The following SUCO variants were observed in gnomAD, a reference collection of about 807,000 sequenced individuals.
SUCO encodes the protein SUN domain-containing ossification factor.
In SUCO, 57 loss-of-function variants were observed where a neutral mutation model predicts 148.1. That is an observed-to-expected ratio of 0.38 (90% CI 0.31 to 0.48). The LOEUF (loss-of-function observed/expected upper bound fraction) is 0.48, where lower values mean the gene tolerates loss of function less well. Among genes scored for constraint, SUCO ranks in the 20% least tolerant of loss-of-function variants. SUCO has a pLI of 0.96. For synonymous variants in SUCO, 470 were observed against 502.7 expected, an observed-to-expected ratio of 0.93 and a Z score of 0.87; for missense variants, 1,331 against 1,468.2, an observed-to-expected ratio of 0.91 and a Z score of 1.53.
intron 6 of SUCO, among the ~76,000 whole-genome samples, chr1:172,561,769 C>T (rs1161861516): frequency 6.6e-6 from 1 of 152,202 alleles, no homozygotes; most frequent in African/African-American, 2.4e-5. Context: ...TCCCCTGACT[C>T]CAAGTCCCCT....
At chr1:172,574,956 C>G (rs1026368745) in intron 10 of SUCO, 2 of 901,340 alleles carry the variant, frequency 2.2e-6, no homozygotes, top group Non-Finnish European at 2.7e-6. Flanking sequence ...TGAACATACA[C>G]AGCTCTGATA....
At chr1:172,577,388 C>T in intron 11 of SUCO, 151 bp from the exon 12 acceptor site, 2 of 680,666 alleles carry the variant, frequency 2.9e-6, no homozygotes, top group African/African-American at 3.7e-5. Flanking sequence ...TTTATTTCTG[C>T]AAGGAATTAA....
Position 172,610,559 on chromosome 1 carries a change from G to C in SUCO, c.*300G>C, listed in dbSNP as rs922865876. The C allele has an allele frequency of 2.5e-5, 6 of 240,018 alleles. No individual in the cohort carries two copies. Among genetic ancestry groups the C allele is most frequent in the African/African-American group, 1.4e-4 (6 of 44,280 alleles). The allele number at this position is 240,018 out of a possible 1,614,324, so 14.9% of individuals were successfully genotyped here. Reference sequence around the variant, plus strand: ...GAAGCCCAGTTCCTTAGGTGGGATAGGAATGAAAGCCTAAACCTCTTCCTT... The same window carrying C: ...GAAGCCCAGTTCCTTAGGTGGGATACGAATGAAAGCCTAAACCTCTTCCTT... On this transcript the variant is annotated 3_prime_UTR_variant, in exon 24 of 24. Coordinates refer to ENST00000263688, the MANE Select transcript of SUCO (RefSeq NM_014283.5).
intron 4 of SUCO, 176 bp from the exon 5 acceptor site, chr1:172,557,104 G>GT: frequency 2.0e-6 from 2 of 980,382 alleles, no homozygotes; most frequent in Non-Finnish European, 2.4e-6. Context: ...TATTTGGTAA[G>GT]TAGTTATTTA....
chr1:172,572,643 G>A (rs984784704), intron 9 of SUCO, among the ~76,000 whole-genome samples: 1 of 123,708 alleles, frequency 8.1e-6, no homozygotes, highest in African/African-American at 3.1e-5. Flanking sequence ...CTCCACTATT[G>A]TCCTATGACC....
intron 15 of SUCO, among the ~76,000 whole-genome samples, chr1:172,584,637 G>GT (rs1656106529): frequency 6.6e-6 from 1 of 152,100 alleles, no homozygotes; most frequent in Non-Finnish European, 1.5e-5. Flanking sequence ...GCTGGACGTG[G>GT]TGGCATGTGC....
intron 19 of SUCO, among the ~76,000 whole-genome samples, chr1:172,592,804 T>G (rs536809212): frequency 6.6e-6 from 1 of 152,336 alleles, no homozygotes; most frequent in South Asian, 2.1e-4. Flanking sequence ...TTTTTTCCAA[T>G]TCTGTAAAGA....
At chr1:172,569,924 T>C (rs1242639538) in intron 7 of SUCO, 123 bp from the exon 8 acceptor site, 5 of 903,800 alleles carry the variant, frequency 5.5e-6, no homozygotes, top group South Asian at 5.5e-5. Context: ...TTCTCTCAAG[T>C]GTTAAAACCT....
chr1:172,590,421 T>G, intron 18 of SUCO: 1 of 945,394 alleles, frequency 1.1e-6, no homozygotes. Flanking sequence ...CTAGTTGTAA[T>G]AATTTCTGCT....
intron 2 of SUCO, 199 bp downstream of exon 2, chr1:172,551,825 T>C (rs3213552): frequency 4.1e-6 from 2 of 487,660 alleles, no homozygotes; most frequent in Non-Finnish European, 7.3e-6. Flanking sequence ...GTTGCTTGTA[T>C]TTGGAATTTT....
intron 22 of SUCO, 78 bp downstream of exon 22, chr1:172,602,865 GTTCA>G: frequency 8.0e-7 from 1 of 1,254,218 alleles, no homozygotes; most frequent in East Asian, 2.3e-5. Flanking sequence ...TCAGTGTTGT[GTTCA>G]TGACCATCTG....
intron 15 of SUCO, chr1:172,584,321 G>A: frequency 2.4e-6 from 2 of 817,848 alleles, no homozygotes; most frequent in Non-Finnish European, 3.0e-6. Flanking sequence ...AAACTGTAGA[G>A]AATTTTTAAA....
chr1:172,590,904 CA>C lies in SUCO; in HGVS notation c.2826-76del. ...AGAAAAATAGATTTGTCTCATATAT[CA>C]AAATCAGAAGTATGTTTCCATTACT... On this transcript the variant is annotated intron_variant, in intron 18 of 23. Coordinates refer to ENST00000263688, the MANE Select transcript of SUCO (RefSeq NM_014283.5). 3.0e-6 allele frequency: 3 copies of C among 988,462 alleles called. No homozygotes were observed. In the South Asian group the frequency reaches 4.6e-5, roughly 15 times the overall value. The allele number at this position is 988,462 out of a possible 1,614,324, so 61.2% of individuals were successfully genotyped here.
chr1:172,608,544 A>C (rs1018334193), intron 22 of SUCO: 3 of 576,002 alleles, frequency 5.2e-6, no homozygotes, highest in Admixed American at 7.1e-5. Flanking sequence ...AAGCATAGGA[A>C]TCATATCATC....
intron 11 of SUCO, among the ~76,000 whole-genome samples, chr1:172,576,034 G>A (rs1655413279): frequency 6.6e-6 from 1 of 151,838 alleles, no homozygotes; most frequent in Non-Finnish European, 1.5e-5. Context: ...CCACTTATTT[G>A]GCATTGTTAC....
chr1:172,579,748 T>C (rs1254066994), intron 15 of SUCO, among the ~76,000 whole-genome samples: 1 of 152,098 alleles, frequency 6.6e-6, no homozygotes, highest in East Asian at 1.9e-4. Flanking sequence ...TTTGTTGTTA[T>C]TCCAAAGTCG....
chr1:172,593,874 G>A (rs1656868837), intron 19 of SUCO, among the ~76,000 whole-genome samples: 1 of 152,096 alleles, frequency 6.6e-6, no homozygotes, highest in African/African-American at 2.4e-5. Context: ...TTGTACCTCT[G>A]GTAAAATTCA....
intron 23 of SUCO, chr1:172,609,294 T>G (rs1371810279): frequency 2.0e-6 from 2 of 985,024 alleles, no homozygotes; most frequent in African/African-American, 3.5e-5. Context: ...GCTTTTTCAT[T>G]TTGCCTTTCA....
At chr1:172,603,211 C>A (rs1315716873) in intron 22 of SUCO, 2 of 158,178 alleles carry the variant, frequency 1.3e-5, no homozygotes, top group African/African-American at 4.8e-5. Flanking sequence ...AAAATCTGGT[C>A]TCTTTTTTTT....
Sources: gnomAD v4.1 joint callset for allele counts (sites outside exome capture counted in the v4.1 genomes callset) on GRCh38, gnomAD v4.1.1 for gene constraint, MANE v1.5 for transcripts, NCBI Gene and HGNC (gene_info 2026-07-23, HGNC 2026-07-21) for gene names.